The following EPHA5 variants were observed in gnomAD, a reference collection of about 807,000 sequenced individuals.
EPHA5 encodes EPH receptor A5.
EPHA5 carries 60 observed loss-of-function variants against 105.0 expected under a neutral mutation model. The observed-to-expected ratio is 0.57, with a 90% CI of 0.46 to 0.71. The LOEUF is 0.71. Among genes scored for constraint, EPHA5 ranks in the 30% least tolerant of loss-of-function variants. EPHA5 has a pLI of 0.00. For synonymous variants in EPHA5, 513 were observed against 449.1 expected (o/e 1.14, Z -1.80); for missense variants, 1,218 against 1,274.7 (o/e 0.96, Z 0.68).
At chr4:65,583,675 G>A (rs187101159) in intron 3 of EPHA5, among the ~76,000 whole-genome samples, 12 of 151,774 alleles carry the variant, frequency 7.9e-5, no homozygotes, top group African/African-American at 2.6e-4. Context: ...AGGCTAATTT[G>A]AATGTGGTCC....
chr4:65,497,698 T>C (rs1253224702), intron 3 of EPHA5, among the ~76,000 whole-genome samples: 3 of 152,188 alleles, frequency 2.0e-5, no homozygotes, highest in Admixed American at 2.0e-4. Flanking sequence ...TTCTTTTCTT[T>C]TTAATGAATG....
intron 1 of EPHA5, among the ~76,000 whole-genome samples, chr4:65,667,542 G>A (rs1272583565): frequency 6.6e-6 from 1 of 152,054 alleles, no homozygotes; most frequent in Non-Finnish European, 1.5e-5. Flanking sequence ...GATGAGGTAA[G>A]ACAATACAAT....
chr4:65,630,207 C>T (rs1320523235), intron 2 of EPHA5, among the ~76,000 whole-genome samples: 2 of 152,088 alleles, frequency 1.3e-5, no homozygotes, highest in Non-Finnish European at 2.9e-5. Flanking sequence ...AAGCTAGTCT[C>T]TCCATGGAGA....
chr4:65,625,883 G>A (rs1746101001), intron 2 of EPHA5, among the ~76,000 whole-genome samples: 1 of 152,052 alleles, frequency 6.6e-6, no homozygotes, highest in Non-Finnish European at 1.5e-5. Context: ...AGGCCGAGGC[G>A]GGAGGATCAT....
intron 3 of EPHA5, among the ~76,000 whole-genome samples, chr4:65,575,436 A>G (rs1375225999): frequency 2.0e-5 from 3 of 152,180 alleles, no homozygotes; most frequent in Non-Finnish European, 2.9e-5. Flanking sequence ...TGAATACTTT[A>G]CTGCCTAGTG....
chr4:65,433,872 C>T (rs1390814547), intron 5 of EPHA5, among the ~76,000 whole-genome samples: 1 of 151,950 alleles, frequency 6.6e-6, no homozygotes, highest in Non-Finnish European at 1.5e-5. Context: ...GGCGAAACCC[C>T]GTCTCTAATA....
chr4:65,382,935 T>A (rs1402074504), intron 8 of EPHA5, among the ~76,000 whole-genome samples: 1 of 151,394 alleles, frequency 6.6e-6, no homozygotes, highest in African/African-American at 2.4e-5. Context: ...ATGGCCTGCA[T>A]GTAAGCAGAA....
At chr4:65,650,559 CAAAAA>C (rs59357895) in intron 1 of EPHA5, among the ~76,000 whole-genome samples, 1 of 117,012 alleles carries the variant, frequency 8.5e-6, no homozygotes, top group African/African-American at 3.7e-5. Flanking sequence ...GACTCAGTCT[CAAAAA>C]AAAAAAAAGA....
Position 65,353,031 on chromosome 4 carries a change from C to A in EPHA5, c.2235+11G>T. The A allele has an allele frequency of 2.0e-6, 3 of 1,514,638 alleles. No homozygotes were observed. Among genetic ancestry groups the A allele is most frequent in the Non-Finnish European group, 2.7e-6 (3 of 1,118,824 alleles). The allele number at this position is 1,514,638 out of a possible 1,614,324, so 93.8% of individuals were successfully genotyped here. On this transcript the variant is annotated intron_variant, in intron 12 of 16. Coordinates refer to ENST00000613740, the MANE Select transcript of EPHA5 (RefSeq NM_001281766.3). ...AACACCTTGAATAACTAAATTATTC[C>A]CCAATCCTACCTTCAAAAATGTATC...
intron 3 of EPHA5, among the ~76,000 whole-genome samples, chr4:65,519,918 C>T (rs188902132): frequency 6.0e-4 from 91 of 151,940 alleles, no homozygotes; most frequent in African/African-American, 2.0e-3. Context: ...CTCATGGATA[C>T]GAAGAATCAG....
At chr4:65,443,177 C>G (rs1578128874) in intron 5 of EPHA5, among the ~76,000 whole-genome samples, 1 of 151,970 alleles carries the variant, frequency 6.6e-6, no homozygotes, top group Non-Finnish European at 1.5e-5. Flanking sequence ...TACAACTTGT[C>G]TAGACTGAGG....
At chr4:65,618,590 C>G (rs1415786273) in intron 2 of EPHA5, among the ~76,000 whole-genome samples, 2 of 152,144 alleles carry the variant, frequency 1.3e-5, no homozygotes, top group Admixed American at 6.5e-5. Flanking sequence ...TAAGTAGTTA[C>G]TTTATTGCTT....
At chr4:65,431,035 T>C (rs945448730) in intron 5 of EPHA5, among the ~76,000 whole-genome samples, 2 of 152,162 alleles carry the variant, frequency 1.3e-5, no homozygotes, top group Non-Finnish European at 2.9e-5. Flanking sequence ...CCATGATGCA[T>C]TTATGTAATA....
In EPHA5 at chr4:65,626,348, A is replaced by C. The variant is rs1010655484; in HGVS notation, c.246+17015T>G. Among the ~76,000 whole-genome samples the C allele has an allele frequency of 2.3e-3, 346 of 152,292 alleles. 5 individuals carry two copies. The highest frequency in any genetic ancestry group is 7.2e-4 in the Non-Finnish European group (49 of 68,026). On this transcript the variant is annotated intron_variant, in intron 2 of 16. Transcript: ENST00000613740. Reference sequence around the variant, plus strand: ...GAAGCTTAACACATTGTAGAACACAAGAATTGCTTACTTATGTTTTTCAGA... The same window carrying C: ...GAAGCTTAACACATTGTAGAACACACGAATTGCTTACTTATGTTTTTCAGA...
intron 5 of EPHA5, among the ~76,000 whole-genome samples, chr4:65,476,913 A>G (rs1729875452): frequency 6.6e-6 from 1 of 152,184 alleles, no homozygotes; most frequent in East Asian, 1.9e-4. Context: ...AGCATAAACA[A>G]CAAAAAATTG....
intron 5 of EPHA5, among the ~76,000 whole-genome samples, chr4:65,467,465 G>A (rs1050070934): frequency 1.8e-4 from 27 of 152,280 alleles, no homozygotes; most frequent in African/African-American, 5.5e-4. Flanking sequence ...CCAGTAGAAA[G>A]TAGTGCATGT....
In EPHA5 at chr4:65,666,748, T is replaced by A. The variant is rs866770779; in HGVS notation, c.181+2814A>T. On this transcript the variant is annotated intron_variant, in intron 1 of 16. Coordinates refer to ENST00000613740, the MANE Select transcript of EPHA5 (RefSeq NM_001281766.3). ...CTTAGAATTTAGACTAAAGGGTAAA[T>A]TTTCCTCTTATTGTCTGCTATCCAA... Among the ~76,000 whole-genome samples the A allele has an allele frequency of 5.3e-5, 8 of 152,288 alleles. No homozygotes were observed. The Middle Eastern group carries it at 0.024, about 453-fold the overall frequency.
chr4:65,490,342 C>A, intron 5 of EPHA5, 35 bp downstream of exon 5: 1 of 1,578,290 alleles, frequency 6.3e-7, no homozygotes, highest in South Asian at 1.1e-5. Context: ...AGAACTAGGC[C>A]TCACATACAC....
chr4:65,517,448 T>C (rs2149271649), intron 3 of EPHA5, among the ~76,000 whole-genome samples: 1 of 152,044 alleles, frequency 6.6e-6, no homozygotes, highest in Non-Finnish European at 1.5e-5. Flanking sequence ...AGAATAAATT[T>C]GAGTTTTGAT....
Sources: gnomAD v4.1 joint callset for allele counts (sites outside exome capture counted in the v4.1 genomes callset) on GRCh38, gnomAD v4.1.1 for gene constraint, MANE v1.5 for transcripts, NCBI Gene and HGNC (gene_info 2026-07-23, HGNC 2026-07-21) for gene names.